Variants in BORCS5 observed in about 807,000 individuals in gnomAD.
BORCS5 encodes BLOC-1 related complex subunit 5, also known as BLOC-1-related complex subunit 5.
A neutral mutation model predicts 22.1 loss-of-function variants in BORCS5; 17 were observed. The ratio of observed to expected loss-of-function variants is 0.77; its 90% CI spans 0.53 to 1.15. BORCS5 has a LOEUF of 1.15. BORCS5 is among the 50% of genes most tolerant of loss of function. The pLI, the probability that BORCS5 is intolerant of heterozygous loss-of-function variation, is 0.00. For missense variants in BORCS5, 247 were observed against 253.2 expected, an observed-to-expected ratio of 0.98 and a Z score of 0.17; for synonymous variants, 117 against 99.8, an observed-to-expected ratio of 1.17 and a Z score of -1.03.
intron 3 of BORCS5, among the ~76,000 whole-genome samples, chr12:12,455,388 C>G (rs185963169): frequency 6.6e-6 from 1 of 152,238 alleles, no homozygotes; most frequent in East Asian, 1.9e-4. Context: ...CTATTGAGAT[C>G]AAATAAAAAT....
At chr12:12,370,101 C>T (rs1456298659) in intron 2 of BORCS5, among the ~76,000 whole-genome samples, 8 of 104,976 alleles carry the variant, frequency 7.6e-5, no homozygotes, top group South Asian at 2.7e-4. Flanking sequence ...TGGTTTTATA[C>T]ACACACACAC....
At chr12:12,454,249 C>T (rs1942962043) in intron 3 of BORCS5, among the ~76,000 whole-genome samples, 2 of 152,178 alleles carry the variant, frequency 1.3e-5, no homozygotes, top group Non-Finnish European at 2.9e-5. Flanking sequence ...TTTTGAGAAA[C>T]GGCCAAACTG....
At chr12:12,451,863 A>G (rs1423275112) in intron 3 of BORCS5, among the ~76,000 whole-genome samples, 1 of 151,014 alleles carries the variant, frequency 6.6e-6, no homozygotes, top group Non-Finnish European at 1.5e-5. Flanking sequence ...GCTTGCAGTG[A>G]GCCGAGATCG....
intron 2 of BORCS5, among the ~76,000 whole-genome samples, chr12:12,383,559 C>T (rs902508993): frequency 6.6e-6 from 1 of 150,834 alleles, no homozygotes; most frequent in East Asian, 1.9e-4. Flanking sequence ...TACAAATTCA[C>T]TAGCAGATTT....
intron 2 of BORCS5, 78 bp downstream of exon 2, chr12:12,361,427 A>G (rs973497642): frequency 1.3e-6 from 2 of 1,504,016 alleles, no homozygotes; most frequent in South Asian, 1.2e-5. Flanking sequence ...CTACTTATCC[A>G]TGTATCTTGC....
At chr12:12,449,867 C>G (rs1446496238) in intron 3 of BORCS5, among the ~76,000 whole-genome samples, 1 of 152,200 alleles carries the variant, frequency 6.6e-6, no homozygotes, top group East Asian at 1.9e-4. Flanking sequence ...AGGAAGCAGA[C>G]GTGTGCAGTT....
intron 2 of BORCS5, among the ~76,000 whole-genome samples, chr12:12,372,309 G>A (rs1863547621): frequency 6.6e-6 from 1 of 151,890 alleles, no homozygotes; most frequent in Non-Finnish European, 1.5e-5. Flanking sequence ...TAAAGTGCTG[G>A]GAGTAGAGTG....
intron 3 of BORCS5, among the ~76,000 whole-genome samples, chr12:12,457,669 CTG>C (rs1943023840): frequency 6.6e-6 from 1 of 152,182 alleles, no homozygotes; most frequent in Admixed American, 6.5e-5. Context: ...CCCACAAACT[CTG>C]AGTCACTCAG....
At chr12:12,375,929 C>T (rs892759455) in intron 2 of BORCS5, among the ~76,000 whole-genome samples, 9 of 150,510 alleles carry the variant, frequency 6.0e-5, no homozygotes, top group South Asian at 4.2e-4. Flanking sequence ...CTCAGCCTCC[C>T]GAGTAGCTGG....
chr12:12,390,542 CT>C, intron 2 of BORCS5, among the ~76,000 whole-genome samples: 1 of 151,708 alleles, frequency 6.6e-6, no homozygotes, highest in Non-Finnish European at 1.5e-5. Flanking sequence ...ATTACAGCTA[CT>C]TGGGAGGCTG....
At chr12:12,465,455 C>T (rs1458943607) in intron 3 of BORCS5, 91 bp from the exon 4 acceptor site, 59 of 1,114,418 alleles carry the variant, frequency 5.3e-5, no homozygotes, top group East Asian at 1.5e-4. Context: ...ACTGGATCTG[C>T]GGGACTGTGT....
intron 2 of BORCS5, among the ~76,000 whole-genome samples, chr12:12,378,823 A>G (rs1458345659): frequency 6.6e-6 from 1 of 151,140 alleles, no homozygotes; most frequent in Non-Finnish European, 1.5e-5. Context: ...TGAGATCATG[A>G]CTCACTGCAG....
intron 2 of BORCS5, among the ~76,000 whole-genome samples, chr12:12,379,549 G>A (rs1183882899): frequency 1.3e-5 from 2 of 151,610 alleles, no homozygotes; most frequent in Non-Finnish European, 3.0e-5. Context: ...GAGGTCGGAT[G>A]TCAACAGAAA....
intron 3 of BORCS5, among the ~76,000 whole-genome samples, chr12:12,436,255 A>T (rs1942552538): frequency 6.6e-6 from 1 of 152,228 alleles, no homozygotes. Context: ...AGCTCCAGTG[A>T]TTCTTAATGG....
chr12:12,441,852 T>C (rs1263961895), intron 3 of BORCS5, among the ~76,000 whole-genome samples: 1 of 152,174 alleles, frequency 6.6e-6, no homozygotes, highest in Non-Finnish European at 1.5e-5. Flanking sequence ...AGCATACTCG[T>C]GCCTGGGGAA....
intron 2 of BORCS5, among the ~76,000 whole-genome samples, chr12:12,430,355 G>GTTAGTT (rs2136118236): frequency 6.6e-6 from 1 of 152,130 alleles, no homozygotes; most frequent in South Asian, 2.1e-4. Context: ...GTTTCACCAT[G>GTTAGTT]TTAGCCAGGG....
rs1472665694 is a variant in BORCS5 at position 12,469,381 on chromosome 12, C to T, written c.*3605C>T. 2 of 152,224 alleles carry T rather than the reference C, an allele frequency of 1.3e-5. No individual in the cohort carries two copies. The highest frequency in any genetic ancestry group is 2.9e-5 in the Non-Finnish European group (2 of 68,040). 9.4% of individuals were successfully genotyped at this position (152,224 alleles called of 1,614,324 possible). ...AGAAATGAGTTTAGTCTGGGAGAAT[C>T]TGCTTTTTGAGTAAAAAAGTTTGAT... On this transcript the variant is annotated 3_prime_UTR_variant, in exon 4 of 4. Coordinates refer to ENST00000314565, the MANE Select transcript of BORCS5 (RefSeq NM_058169.6).
At chr12:12,413,748 A>C (rs1282435839) in intron 2 of BORCS5, among the ~76,000 whole-genome samples, 94 of 54,752 alleles carry the variant, frequency 1.7e-3, no homozygotes, top group African/African-American at 3.0e-3. Context: ...GCGGCTGGCC[A>C]GGCAGAGGGG....
intron 2 of BORCS5, among the ~76,000 whole-genome samples, chr12:12,366,203 T>G (rs117700027): frequency 2.6e-5 from 4 of 152,356 alleles, no homozygotes; most frequent in Non-Finnish European, 5.9e-5. Context: ...AAGCTTTTAT[T>G]CAACTTAATG....
Sources: allele counts gnomAD v4.1 joint callset (sites outside exome capture counted in the v4.1 genomes callset), GRCh38; gene constraint gnomAD v4.1.1; transcripts MANE v1.5; gene names NCBI Gene and HGNC (gene_info 2026-07-23, HGNC 2026-07-21).